CNTNAP2: variants seen among roughly 807,000 people sequenced by gnomAD.
The protein encoded by CNTNAP2 is contactin-associated protein-like 2.
In CNTNAP2, 98 loss-of-function variants were observed where a neutral mutation model predicts 155.2. The ratio of observed to expected loss-of-function variants is 0.63; its 90% CI spans 0.54 to 0.75. CNTNAP2 has a LOEUF of 0.75. Ranked by LOEUF, CNTNAP2 falls within the 30% of genes least tolerant of loss-of-function variation. CNTNAP2 has a pLI of 0.00. For missense variants in CNTNAP2, 1,727 were observed against 1,688.1 expected (o/e 1.02, Z -0.40); for synonymous variants, 651 against 631.2 (o/e 1.03, Z -0.47).
At chr7:146,374,686 T>C (rs987706444) in intron 1 of CNTNAP2, among the ~76,000 whole-genome samples, 2 of 152,214 alleles carry the variant, frequency 1.3e-5, no homozygotes, top group Non-Finnish European at 2.9e-5. Flanking sequence ...GTTCTAGCTT[T>C]TTCTAAAGCC....
chr7:146,177,401 G>C (rs144778334), intron 1 of CNTNAP2, among the ~76,000 whole-genome samples: 113 of 152,272 alleles, frequency 7.4e-4, no homozygotes, highest in Non-Finnish European at 1.3e-3. Context: ...ACTATTATCA[G>C]CTTGTTCAAA....
chr7:147,552,972 A>C lies in CNTNAP2; in HGVS notation c.1778-9166A>C, dbSNP rs541352767. 1.1e-4 allele frequency among the ~76,000 whole-genome samples: 16 copies of C among 152,350 alleles called. 1 individual carries two copies. In the South Asian group the frequency reaches 3.3e-3, roughly 32 times the overall value. Reference sequence around the variant, plus strand: ...ATAGGACAGTCAAGAGGCAAAAAGAAATACAAGCTAAGGGCACAGAAATGA... The same window carrying C: ...ATAGGACAGTCAAGAGGCAAAAAGACATACAAGCTAAGGGCACAGAAATGA... On this transcript the variant is annotated intron_variant, in intron 11 of 23. Transcript: ENST00000361727.
intron 9 of CNTNAP2, among the ~76,000 whole-genome samples, chr7:147,306,026 G>A (rs1351199932): frequency 6.6e-6 from 1 of 152,050 alleles, no homozygotes. Context: ...CACCACTCAT[G>A]GGATTAGGTA....
intron 15 of CNTNAP2, among the ~76,000 whole-genome samples, chr7:148,055,278 T>C (rs1208988100): frequency 6.6e-6 from 1 of 152,232 alleles, no homozygotes; most frequent in Non-Finnish European, 1.5e-5. Context: ...TTTATTTAAA[T>C]AGTCCTCCTG....
chr7:146,555,977 G>T (rs949566547), intron 1 of CNTNAP2, among the ~76,000 whole-genome samples: 6 of 152,154 alleles, frequency 3.9e-5, no homozygotes, highest in Non-Finnish European at 4.4e-5. Flanking sequence ...TCTCAAAAAA[G>T]AGAGCAGGTT....
chr7:146,419,931 T>A (rs1056761495), intron 1 of CNTNAP2, among the ~76,000 whole-genome samples: 1 of 152,144 alleles, frequency 6.6e-6, no homozygotes, highest in Non-Finnish European at 1.5e-5. Flanking sequence ...TAGATGGATT[T>A]AAGAAAATAA....
intron 21 of CNTNAP2, among the ~76,000 whole-genome samples, chr7:148,347,923 C>T (rs1798356104): frequency 6.6e-6 from 1 of 152,188 alleles, no homozygotes; most frequent in Non-Finnish European, 1.5e-5. Flanking sequence ...TCCTGTAGTT[C>T]TCGTCAATTC....
intron 1 of CNTNAP2, among the ~76,000 whole-genome samples, chr7:146,396,839 GT>G (rs1308239156): frequency 6.6e-6 from 1 of 151,656 alleles, no homozygotes; most frequent in African/African-American, 2.4e-5. Flanking sequence ...AAGAAAAAAG[GT>G]TTTTATTTGC....
intron 18 of CNTNAP2, among the ~76,000 whole-genome samples, chr7:148,182,859 TC>T (rs1441716344): frequency 2.0e-5 from 3 of 152,220 alleles, no homozygotes; most frequent in Admixed American, 2.0e-4. Context: ...AACAATACTT[TC>T]TAGCTACTCT....
At chr7:146,599,068 TA>T (rs1163808136) in intron 1 of CNTNAP2, among the ~76,000 whole-genome samples, 2 of 152,050 alleles carry the variant, frequency 1.3e-5, no homozygotes, top group Non-Finnish European at 2.9e-5. Context: ...CCCTGTCATA[TA>T]AAAAATAACT....
At chr7:146,256,136 G>A (rs1198262604) in intron 1 of CNTNAP2, among the ~76,000 whole-genome samples, 1 of 152,162 alleles carries the variant, frequency 6.6e-6, no homozygotes, top group Non-Finnish European at 1.5e-5. Flanking sequence ...CCTACTGGAA[G>A]CTTCTTTGGG....
At chr7:148,196,335 C>A (rs1326121800) in intron 18 of CNTNAP2, among the ~76,000 whole-genome samples, 3 of 152,218 alleles carry the variant, frequency 2.0e-5, no homozygotes, top group Admixed American at 6.5e-5. Flanking sequence ...ATCTATTAGA[C>A]TTTTCTAGTT....
chr7:146,811,472 G>A (rs927679442), intron 2 of CNTNAP2, among the ~76,000 whole-genome samples: 8 of 151,750 alleles, frequency 5.3e-5, no homozygotes, highest in East Asian at 3.9e-4. Context: ...CCGTGGTATC[G>A]GTTGTAATGT....
intron 2 of CNTNAP2, among the ~76,000 whole-genome samples, chr7:146,774,834 C>T (rs1338965280): frequency 6.6e-6 from 1 of 151,940 alleles, no homozygotes; most frequent in Non-Finnish European, 1.5e-5. Context: ...CCTCCGGTAC[C>T]CAGAATGTAG....
intron 2 of CNTNAP2, among the ~76,000 whole-genome samples, chr7:146,797,479 A>G (rs372655008): frequency 3.3e-5 from 5 of 152,354 alleles, no homozygotes; most frequent in South Asian, 4.1e-4. Flanking sequence ...AGACTATTTC[A>G]CTAATAACCA....
At chr7:148,136,997 G>T (rs1804967097) in intron 16 of CNTNAP2, among the ~76,000 whole-genome samples, 1 of 152,166 alleles carries the variant, frequency 6.6e-6, no homozygotes, top group Non-Finnish European at 1.5e-5. Flanking sequence ...TCCATTTCCA[G>T]AGGAATGCTT....
intron 13 of CNTNAP2, among the ~76,000 whole-genome samples, chr7:147,757,145 G>A (rs1443081378): frequency 6.6e-6 from 1 of 152,142 alleles, no homozygotes; most frequent in Non-Finnish European, 1.5e-5. Context: ...CTTGCCCCCT[G>A]CAAACTGGCT....
chr7:146,827,459 A>T (rs1803428576), intron 2 of CNTNAP2, among the ~76,000 whole-genome samples: 1 of 151,012 alleles, frequency 6.6e-6, no homozygotes, highest in South Asian at 2.1e-4. Context: ...ATCTTCACCG[A>T]GTAATATTCC....
intron 1 of CNTNAP2, among the ~76,000 whole-genome samples, chr7:146,358,065 C>T (rs186168249): frequency 2.4e-4 from 36 of 151,348 alleles, no homozygotes; most frequent in African/African-American, 6.1e-4. Context: ...GATGGAGCCT[C>T]GCTCGCTTGC....
Sources: gnomAD v4.1 joint callset for allele counts (sites outside exome capture counted in the v4.1 genomes callset) on GRCh38, gnomAD v4.1.1 for gene constraint, MANE v1.5 for transcripts, NCBI Gene and HGNC (gene_info 2026-07-23, HGNC 2026-07-21) for gene names.